The following KIF14 variants were observed in gnomAD, a reference collection of about 807,000 sequenced individuals.
The protein encoded by KIF14 is kinesin-like protein KIF14.
A neutral mutation model predicts 176.2 loss-of-function variants in KIF14; 98 were observed. The ratio of observed to expected loss-of-function variants is 0.56; its 90% CI spans 0.47 to 0.66. The LOEUF is 0.66. KIF14 is among the 30% of genes least tolerant of loss of function. The probability of loss-of-function intolerance (pLI) is 0.00; values close to 1 mark genes in which losing one functional copy is unlikely to be tolerated. For synonymous variants in KIF14, 566 were observed against 632.2 expected, an observed-to-expected ratio of 0.90 and a Z score of 1.57; for missense variants, 1,751 against 1,920.4, an observed-to-expected ratio of 0.91 and a Z score of 1.65.
chr1:200,603,754 G>A, intron 9 of KIF14, 85 bp downstream of exon 9: 2 of 814,148 alleles, frequency 2.5e-6, no homozygotes, highest in South Asian at 1.5e-5. Context: ...ATTTGGGGAG[G>A]TTAAGTGTAT....
chr1:200,578,894 A>C (rs1658285584), intron 21 of KIF14, among the ~76,000 whole-genome samples: 2 of 151,776 alleles, frequency 1.3e-5, no homozygotes, highest in African/African-American at 4.8e-5. Flanking sequence ...GATCGAGACC[A>C]TCCTGGCTAA....
In KIF14 at chr1:200,617,676, C is replaced by A. The variant is rs1033154181; in HGVS notation, c.1048G>T (p.Asp350Tyr). ...TGACTATTCTCTACTTTTAAGGGGT[C>A]TTTTCCTGCAGAGGTGTTCTGAACT... ...TVVQNTSAGK[D>Y]PLKVENSQVT... The change falls in exon 2 of 30, where the codon GAC becomes TAC. Residue 350 changes from aspartate (D) to tyrosine (Y), a missense_variant. Transcript: ENST00000367350. 1.9e-6 allele frequency: 3 copies of A among 1,614,052 alleles called. No homozygotes were observed. Among genetic ancestry groups the A allele is most frequent in the African/African-American group, 2.7e-5 (2 of 74,934 alleles).
In KIF14 at chr1:200,551,701, T is replaced by TGAAGATTAAATACTGAATATTAA. The variant is rs577849053; in HGVS notation, c.*1664_*1686dup. ...AGTCATGAGTTTACAAAGCACAAAC[T>TGAAGATTAAATACTGAATATTAA]GAAGATTAAATACTGAATATTAAGA... On this transcript the variant is annotated 3_prime_UTR_variant, in exon 30 of 30. Transcript: ENST00000367350. 1.9e-3 allele frequency: 286 copies of TGAAGATTAAATACTGAATATTAA among 152,288 alleles called. 1 individual carries two copies. Among genetic ancestry groups the TGAAGATTAAATACTGAATATTAA allele is most frequent in the African/African-American group, 6.7e-3 (279 of 41,548 alleles). 9.4% of individuals were successfully genotyped at this position (152,288 alleles called of 1,614,324 possible). A position where few individuals can be genotyped will look rare whatever the true frequency, so the allele number is the denominator to read the frequency against.
chr1:200,580,439 A>G, intron 20 of KIF14, 56 bp from the exon 21 acceptor site: 1 of 1,186,298 alleles, frequency 8.4e-7, no homozygotes, highest in Non-Finnish European at 1.1e-6. Flanking sequence ...ATCCATTTAT[A>G]CTAAGAGTTT....
chr1:200,555,100 A>G (rs1168129299), intron 28 of KIF14, among the ~76,000 whole-genome samples: 2 of 152,186 alleles, frequency 1.3e-5, no homozygotes, highest in Non-Finnish European at 2.9e-5. Context: ...TTTTTAGCCT[A>G]TAATGACCCA....
intron 22 of KIF14, 72 bp from the exon 23 acceptor site, chr1:200,570,077 G>A (rs1453445027): frequency 2.8e-6 from 2 of 706,904 alleles, no homozygotes; most frequent in South Asian, 2.8e-5. Flanking sequence ...ATATTTATAA[G>A]TTCTCTAAAG....
In KIF14 at chr1:200,592,072, A is replaced by G. The variant is rs1309991894; in HGVS notation, c.2813+8T>C. On this transcript the variant is annotated splice_region_variant and intron_variant, in intron 16 of 29. Coordinates refer to ENST00000367350, the MANE Select transcript of KIF14 (RefSeq NM_014875.3). ...ACACTTACTATTTCATATCAACAGCATACTTACTGTGATCTCTGTGCCATG... is the reference window on the plus strand; with the variant it reads ...ACACTTACTATTTCATATCAACAGCGTACTTACTGTGATCTCTGTGCCATG... The G allele has an allele frequency of 3.7e-6, 6 of 1,608,418 alleles. No homozygotes were observed. Among genetic ancestry groups the G allele is most frequent in the Non-Finnish European group, 4.2e-6 (5 of 1,177,392 alleles).
At chr1:200,615,736 A>G (rs2102782277) in intron 2 of KIF14, 127 bp from the exon 3 acceptor site, 6 of 823,786 alleles carry the variant, frequency 7.3e-6, no homozygotes, top group Non-Finnish European at 1.8e-6. Context: ...CTGTAGTTTT[A>G]TGTGGAAAAT....
chr1:200,563,846 A>AT (rs1657292898), intron 25 of KIF14, among the ~76,000 whole-genome samples: 1 of 152,164 alleles, frequency 6.6e-6, no homozygotes, highest in Non-Finnish European at 1.5e-5. Context: ...GGTGTCCAGA[A>AT]TTTTTTTAAA....
chr1:200,618,502 T>G lies in KIF14; in HGVS notation c.222A>C (p.Lys74Asn). ...NRTYVISASR[K>N]TADMPLTPNP... ...TAGGGGTAAGGGGCATGTCTGCTGTTTTTCTACTGGCAGAAATAACATAAG... is the reference window on the plus strand; with the variant it reads ...TAGGGGTAAGGGGCATGTCTGCTGTGTTTCTACTGGCAGAAATAACATAAG... Residue 74 changes from lysine (K) to asparagine (N), a missense_variant, in exon 2 of 30, where the codon AAA (lysine) becomes AAC (asparagine). Physicochemically the swap from Lys to Asn is moderately conservative, Grantham distance 94. Transcript: ENST00000367350. 2 of 1,614,104 alleles carry G rather than the reference T, an allele frequency of 1.2e-6. No homozygotes were observed. The highest frequency in any genetic ancestry group is 1.7e-6 in the Non-Finnish European group (2 of 1,179,964).
chr1:200,614,284 T>C, intron 4 of KIF14, 34 bp downstream of exon 4: 1 of 1,189,048 alleles, frequency 8.4e-7, no homozygotes, highest in Non-Finnish European at 1.2e-6. Flanking sequence ...TTTTCTACTC[T>C]GAAAAGAAGC....
chr1:200,594,580 C>T (rs1275869247), intron 14 of KIF14, among the ~76,000 whole-genome samples: 1 of 151,948 alleles, frequency 6.6e-6, no homozygotes, highest in East Asian at 1.9e-4. Flanking sequence ...AAGTGTACCC[C>T]TTAAGACATC....
chr1:200,593,744 C>G lies in KIF14; in HGVS notation c.2575G>C (p.Val859Leu), dbSNP rs779596587. 6.2e-7 allele frequency: 1 copy of G among 1,611,164 alleles called. No homozygotes were observed. Reference protein sequence around the residue: ...HCTIKNFGGTVSIIPVGEAKT... With the variant: ...HCTIKNFGGTLSIIPVGEAKT... ...GCTTCCCCAACTGGGATAATACTCA[C>G]TGTCCCACCAAAATTTTTGATAGTA... The change falls in exon 15 of 30, where the codon GTG becomes CTG. Residue 859 changes from valine (V) to leucine (L), a missense_variant. Val to Leu is a conservative substitution (Grantham distance 32). Transcript: ENST00000367350.
intron 22 of KIF14, among the ~76,000 whole-genome samples, chr1:200,571,040 C>T (rs957832776): frequency 6.6e-6 from 1 of 152,178 alleles, no homozygotes; most frequent in African/African-American, 2.4e-5. Context: ...TAGGTATCTG[C>T]TACACTGTGT....
chr1:200,565,551 T>G lies in KIF14; in HGVS notation c.3780A>C (p.Glu1260Asp). Residue 1260 changes from glutamate (E) to aspartate (D), a missense_variant, in exon 24 of 30, where the codon GAA (glutamate) becomes GAC (aspartate). By Grantham distance (45) the Glu-to-Asp change is conservative (BLOSUM62 2). Transcript: ENST00000367350. ...TAATTAGGCTGTCTGCTATAGTTCT[T>G]TCTTCATCATAACTCTGTCCAAAAA... The part of the protein sequence containing the change: ...LDFFGQSYDE[E>D]RTIADSLINS... The G allele has an allele frequency of 6.2e-7, 1 of 1,611,970 alleles. No individual in the cohort carries two copies. Among genetic ancestry groups the G allele is most frequent in the Non-Finnish European group, 8.5e-7 (1 of 1,179,488 alleles).
chr1:200,585,443 T>C (rs1658685098), intron 19 of KIF14, among the ~76,000 whole-genome samples: 1 of 152,114 alleles, frequency 6.6e-6, no homozygotes, highest in African/African-American at 2.4e-5. Flanking sequence ...ACGTAATCCA[T>C]GACTAAGCAC....
intron 8 of KIF14, among the ~76,000 whole-genome samples, chr1:200,604,361 C>A (rs1046212060): frequency 2.0e-5 from 3 of 152,170 alleles, no homozygotes; most frequent in African/African-American, 7.2e-5. Context: ...AGCCACTGCA[C>A]CTGGCCTAAG....
chr1:200,598,704 G>A (rs377149973), intron 13 of KIF14, among the ~76,000 whole-genome samples: 106 of 152,126 alleles, frequency 7.0e-4, no homozygotes, highest in Middle Eastern at 6.8e-3. Flanking sequence ...GACTACAGGC[G>A]CATGCCACCA....
Position 200,618,290 on chromosome 1 carries a change from A to G in KIF14, c.434T>C (p.Leu145Pro). Residue 145 changes from leucine to proline, a missense_variant, in exon 2 of 30, where the codon CTG becomes CCG. By Grantham distance (98) the Leu-to-Pro change is moderately conservative. Transcript: ENST00000367350. ...ATTTTCTGTTTCACCTCCCACATTC[A>G]GTGTCATTTTGACAGAATCTATTTC... ...TAEIDSVKMT[L>P]NVGGETENNG... The G allele has an allele frequency of 6.2e-7, 1 of 1,613,806 alleles. No homozygotes were observed.
Sources: gnomAD v4.1 joint callset for allele counts (sites outside exome capture counted in the v4.1 genomes callset) on GRCh38, gnomAD v4.1.1 for gene constraint, MANE v1.5 for transcripts, NCBI Gene and HGNC (gene_info 2026-07-23, HGNC 2026-07-21) for gene names.